Variants in FBN2 observed in about 807,000 individuals in gnomAD.
FBN2 encodes the protein fibrillin 2, also known as fibrillin-2.
Under a neutral mutation model 355.6 loss-of-function variants are expected in FBN2, and 105 were observed. The ratio of observed to expected loss-of-function variants is 0.30; its 90% CI spans 0.25 to 0.35. FBN2 has a LOEUF of 0.35. Ranked by LOEUF, FBN2 falls within the 10% of genes least tolerant of loss-of-function variation. The pLI, the probability that FBN2 is intolerant of heterozygous loss-of-function variation, is 1.00. For missense variants in FBN2, 3,280 were observed against 3,758.7 expected, an observed-to-expected ratio of 0.87 and a Z score of 3.33; for synonymous variants, 1,350 against 1,301.2, an observed-to-expected ratio of 1.04 and a Z score of -0.81.
At chr5:128,259,924 C>T (rs1699161122) in intron 64 of FBN2, 95 bp from the exon 65 acceptor site, 10 of 1,304,220 alleles carry the variant, frequency 7.7e-6, no homozygotes, top group Admixed American at 1.7e-5. Context: ...GTCACGAGGA[C>T]AGGCTGTGGC....
At position 128,300,799 on chromosome 5, in the gene FBN2, A is replaced by C; in HGVS notation, c.6166+18T>G. 6.2e-7 allele frequency: 1 copy of C among 1,613,602 alleles called. No homozygotes were observed. The highest frequency in any genetic ancestry group is 1.3e-5 in the African/African-American group (1 of 75,038). On this transcript the variant is annotated intron_variant, in intron 48 of 64. Transcript: ENST00000262464. ...ATACTGAACTACTAGTGGGCCTCAG[A>C]ATAAATGTTACTCTTACCAATGCAG... is the stretch of plus-strand genomic sequence containing the variant.
Position 128,446,610 on chromosome 5 carries a change from C to T in FBN2, c.827-4G>A. ...ATAGCCTGGCATTCATCAACATCTG[C>T]AAGAAGAAAACATTTTGAACACAGA... On this transcript the variant is annotated splice_polypyrimidine_tract_variant and splice_region_variant and intron_variant, in intron 6 of 64. Transcript: ENST00000262464. 1 of 1,613,204 alleles carries T rather than the reference C, an allele frequency of 6.2e-7. No individual in the cohort carries two copies. Among genetic ancestry groups the T allele is most frequent in the Non-Finnish European group, 8.5e-7 (1 of 1,179,458 alleles).
chr5:128,402,269 C>G (rs1397005230), intron 8 of FBN2, among the ~76,000 whole-genome samples: 1 of 151,964 alleles, frequency 6.6e-6, no homozygotes, highest in Non-Finnish European at 1.5e-5. Flanking sequence ...CAGATGAAAG[C>G]CTGTAAAAAC....
chr5:128,390,572 T>C (rs902807793), intron 11 of FBN2, among the ~76,000 whole-genome samples: 14 of 152,236 alleles, frequency 9.2e-5, no homozygotes, highest in African/African-American at 3.4e-4. Flanking sequence ...CCCTTGAATA[T>C]ACATTTTTAA....
chr5:128,328,844 T>G, intron 33 of FBN2, 23 bp from the exon 34 acceptor site: 1 of 1,613,826 alleles, frequency 6.2e-7, no homozygotes, highest in Non-Finnish European at 8.5e-7. Context: ...GCAAATTACA[T>G]CTCTGTTAAG....
intron 22 of FBN2, 97 bp from the exon 23 acceptor site, chr5:128,349,569 A>T: frequency 5.3e-6 from 7 of 1,328,540 alleles, no homozygotes; most frequent in Non-Finnish European, 7.4e-6. Context: ...ATCCACATTC[A>T]ATACAATGTG....
chr5:128,399,077 A>G (rs1327164125), intron 8 of FBN2, among the ~76,000 whole-genome samples: 1 of 152,246 alleles, frequency 6.6e-6, no homozygotes. Flanking sequence ...AAGAGTAATA[A>G]GCAGAATGGG....
intron 45 of FBN2, among the ~76,000 whole-genome samples, chr5:128,303,785 T>G (rs1008128054): frequency 2.6e-5 from 4 of 152,166 alleles, no homozygotes; most frequent in African/African-American, 9.7e-5. Context: ...AGAATTGTTA[T>G]GAGTGGACAG....
chr5:128,533,963 A>G (rs191325427), intron 2 of FBN2, among the ~76,000 whole-genome samples: 9 of 152,288 alleles, frequency 5.9e-5, no homozygotes, highest in South Asian at 2.1e-4. Context: ...ACTAAGCACA[A>G]TACCAACAAA....
At chr5:128,477,236 T>C (rs1392014216) in intron 5 of FBN2, among the ~76,000 whole-genome samples, 2 of 152,212 alleles carry the variant, frequency 1.3e-5, no homozygotes, top group African/African-American at 4.8e-5. Flanking sequence ...TAGTGGCTAC[T>C]GTCCTGGACG....
At chr5:128,530,733 T>A in intron 2 of FBN2, 40 bp from the exon 3 acceptor site, 2 of 1,237,438 alleles carry the variant, frequency 1.6e-6, no homozygotes, top group Non-Finnish European at 2.4e-6. Flanking sequence ...AATAACTATA[T>A]AATAAACCAT....
chr5:128,366,328 T>C (rs752045922), intron 17 of FBN2, 49 bp downstream of exon 17: 6 of 967,372 alleles, frequency 6.2e-6, no homozygotes, highest in Non-Finnish European at 9.9e-6. Flanking sequence ...TATAAAGCTA[T>C]ACGATTATGT....
At chr5:128,515,493 A>G (rs1214036006) in intron 5 of FBN2, among the ~76,000 whole-genome samples, 1 of 152,102 alleles carries the variant, frequency 6.6e-6, no homozygotes, top group African/African-American at 2.4e-5. Flanking sequence ...GGGGTGAGTG[A>G]GTGAGAGCCC....
At chr5:128,279,178 G>A (rs1453651207) in intron 56 of FBN2, among the ~76,000 whole-genome samples, 1 of 152,110 alleles carries the variant, frequency 6.6e-6, no homozygotes, top group African/African-American at 2.4e-5. Flanking sequence ...AAACAAATGA[G>A]TGCCAGGATT....
Position 128,386,634 on chromosome 5 carries a change from C to T in FBN2, c.1603+5384G>A, listed in dbSNP as rs115980499. 6.6e-3 allele frequency among the ~76,000 whole-genome samples: 1,000 copies of T among 151,884 alleles called. 9 individuals carry two copies. Among genetic ancestry groups the T allele is most frequent in the African/African-American group, 0.023 (943 of 41,446 alleles). On this transcript the variant is annotated intron_variant, in intron 11 of 64. Coordinates refer to ENST00000262464, the MANE Select transcript of FBN2 (RefSeq NM_001999.4). ...AGCACTATGGTCATTTTAATAATGTCGATTCTTCCTATCTATGAGCATGGA... is the reference window on the plus strand; with the variant it reads ...AGCACTATGGTCATTTTAATAATGTTGATTCTTCCTATCTATGAGCATGGA...
intron 7 of FBN2, among the ~76,000 whole-genome samples, chr5:128,429,126 T>A (rs1438524812): frequency 1.3e-5 from 2 of 152,190 alleles, no homozygotes; most frequent in African/African-American, 2.4e-5. Context: ...CAGAACAGCC[T>A]TTCCAGGTGT....
intron 2 of FBN2, among the ~76,000 whole-genome samples, chr5:128,532,497 C>G (rs569773992): frequency 1.3e-5 from 2 of 152,276 alleles, no homozygotes; most frequent in East Asian, 1.9e-4. Context: ...TAATTGAGTT[C>G]TCTCTTTCGG....
chr5:128,296,937 CAATTTTGG>C (rs1749537663), intron 48 of FBN2, among the ~76,000 whole-genome samples: 1 of 152,102 alleles, frequency 6.6e-6, no homozygotes, highest in Non-Finnish European at 1.5e-5. Flanking sequence ...GTTAGGGTGT[CAATTTTGG>C]AACTTTCCTG....
In FBN2 at chr5:128,318,959, G is replaced by A. The variant is rs1750289506; in HGVS notation, c.4514C>T (p.Thr1505Ile). 1 of 1,611,290 alleles carries A rather than the reference G, an allele frequency of 6.2e-7. No homozygotes were observed. The highest frequency in any genetic ancestry group is 8.5e-7 in the Non-Finnish European group (1 of 1,177,646). The change falls in exon 35 of 65, where the codon ACA (threonine) becomes ATA (isoleucine). Residue 1505 changes from threonine to isoleucine, a missense_variant. By Grantham distance (89) the Thr-to-Ile change is moderately conservative. This residue lies in a region of FBN2 where 2,284 missense variants were observed against 2,749.5 expected (regional missense o/e 0.83). Coordinates refer to ENST00000262464, the MANE Select transcript of FBN2 (RefSeq NM_001999.4). ...AAACATTCCAGGCAGGTTATTACAT[G>A]TTCCAAAGACACAAATGTTTTGGAA... Reference protein sequence around the residue: ...CSFQNICVFGTCNNLPGMFHC... With the variant: ...CSFQNICVFGICNNLPGMFHC...
Sources: gnomAD v4.1 joint callset for allele counts (sites outside exome capture counted in the v4.1 genomes callset) on GRCh38, gnomAD v4.1.1 for gene constraint, gnomAD v4.1.1 regional missense constraint, MANE v1.5 for transcripts, NCBI Gene and HGNC (gene_info 2026-07-23, HGNC 2026-07-21) for gene names.